The following PRICKLE1 variants were observed in gnomAD, a reference collection of about 807,000 sequenced individuals.
The protein encoded by PRICKLE1 is prickle-like protein 1.
A neutral mutation model predicts 70.2 loss-of-function variants in PRICKLE1; 14 were observed. The observed-to-expected ratio is 0.20, with a 90% confidence interval of 0.13 to 0.31. The LOEUF (loss-of-function observed/expected upper bound fraction) is 0.31. PRICKLE1 is among the 10% of genes least tolerant of loss of function. The pLI is 1.00. For missense variants in PRICKLE1, 821 were observed against 1,026.2 expected, an observed-to-expected ratio of 0.80 and a Z score of 2.73; for synonymous variants, 357 against 379.9, an observed-to-expected ratio of 0.94 and a Z score of 0.70.
At chr12:42,477,494 A>ACG (rs1938610491) in intron 1 of PRICKLE1, among the ~76,000 whole-genome samples, 1 of 24,406 alleles carries the variant, frequency 4.1e-5, no homozygotes, top group Non-Finnish European at 7.1e-5. Context: ...ATATATATAT[A>ACG]TATATATATA....
At chr12:42,524,567 G>A (rs1282384934) in intron 1 of PRICKLE1, among the ~76,000 whole-genome samples, 4 of 151,674 alleles carry the variant, frequency 2.6e-5, no homozygotes, top group Admixed American at 6.6e-5. Flanking sequence ...GCCTGCCACC[G>A]CACCCGGCTA....
chr12:42,566,423 G>A (rs1940621649), intron 1 of PRICKLE1, among the ~76,000 whole-genome samples: 1 of 152,184 alleles, frequency 6.6e-6, no homozygotes, highest in Non-Finnish European at 1.5e-5. Flanking sequence ...AGAAATTGGA[G>A]GGGGAAGTGG....
At chr12:42,514,890 T>TATCTATCTATC (rs398019289) in intron 1 of PRICKLE1, among the ~76,000 whole-genome samples, 12,368 of 59,070 alleles carry the variant, frequency 0.21, 590 homozygotes, top group Admixed American at 0.32. Flanking sequence ...AGGCTCGCTC[T>TATCTATCTATC]ATCTATCTAT....
intron 2 of PRICKLE1, 74 bp from the exon 3 acceptor site, chr12:42,470,433 A>G: frequency 3.8e-6 from 4 of 1,043,314 alleles, no homozygotes; most frequent in Non-Finnish European, 3.0e-6. Context: ...TTTAAAAGTT[A>G]CCTTTCCCTA....
chr12:42,529,473 G>A (rs976938305), intron 1 of PRICKLE1, among the ~76,000 whole-genome samples: 2 of 152,176 alleles, frequency 1.3e-5, no homozygotes, highest in Admixed American at 1.3e-4. Context: ...CTTTGCTATT[G>A]TTTATACAAA....
At chr12:42,486,519 T>C (rs537678124) in intron 1 of PRICKLE1, among the ~76,000 whole-genome samples, 15 of 152,312 alleles carry the variant, frequency 9.8e-5, no homozygotes, top group Admixed American at 6.5e-5. Flanking sequence ...GAGAGGATAA[T>C]AGAAAATCAG....
At chr12:42,501,470 AC>A (rs1407390940) in intron 1 of PRICKLE1, among the ~76,000 whole-genome samples, 1 of 138,010 alleles carries the variant, frequency 7.2e-6, no homozygotes, top group African/African-American at 2.7e-5. Context: ...AGATCGTGCC[AC>A]TGCACTCCAG....
At chr12:42,567,796 CAAAAA>C (rs34315516) in intron 1 of PRICKLE1, among the ~76,000 whole-genome samples, 1 of 118,464 alleles carries the variant, frequency 8.4e-6, no homozygotes. Context: ...CACTTCATCT[CAAAAA>C]AAAAAAAAAA....
Position 42,457,573 on chromosome 12 carries a change from A to C in PRICKLE1, c.*2236T>G, listed in dbSNP as rs566530237. The stretch of plus-strand genomic sequence containing the variant: ...TTGGCAATATCCATCAGTCTTAAAT[A>C]CGTAACCTTTGTCCCAGTAACTACG... On this transcript the variant is annotated 3_prime_UTR_variant, in exon 8 of 8. Coordinates refer to ENST00000345127, the MANE Select transcript of PRICKLE1 (RefSeq NM_153026.3). 2 of 152,362 alleles carry C rather than the reference A, an allele frequency of 1.3e-5. No homozygotes were observed. The highest frequency in any genetic ancestry group is 2.1e-4 in the South Asian group (1 of 4,822). 9.4% of individuals were successfully genotyped at this position (152,362 alleles called of 1,614,324 possible).
At chr12:42,499,847 T>C (rs1408697745) in intron 1 of PRICKLE1, among the ~76,000 whole-genome samples, 2 of 152,066 alleles carry the variant, frequency 1.3e-5, no homozygotes, top group Admixed American at 6.6e-5. Context: ...CCTGCCTCAG[T>C]CTCCCAATTA....
chr12:42,555,561 T>C (rs1940400874), intron 1 of PRICKLE1, among the ~76,000 whole-genome samples: 1 of 152,216 alleles, frequency 6.6e-6, no homozygotes, highest in Non-Finnish European at 1.5e-5. Flanking sequence ...AGCTTTTTCT[T>C]ATAAGGGAAC....
chr12:42,511,052 T>C (rs1939503858), intron 1 of PRICKLE1, among the ~76,000 whole-genome samples: 1 of 152,212 alleles, frequency 6.6e-6, no homozygotes, highest in Admixed American at 6.5e-5. Flanking sequence ...GCACAGGGGA[T>C]GCCCTGGGTG....
At chr12:42,489,651 C>A (rs866357499) in intron 1 of PRICKLE1, 1 of 93,562 alleles carries the variant, frequency 1.1e-5, no homozygotes, top group Admixed American at 1.8e-4. Flanking sequence ...AAGAGCGAGA[C>A]TTCTCTAAAA....
rs567635216 is a variant in PRICKLE1 at position 42,564,236 on chromosome 12, CA to C, written c.-49+25228del. Among the ~76,000 whole-genome samples, 14 of 105,210 alleles carry C rather than the reference CA, an allele frequency of 1.3e-4. No individual in the cohort carries two copies. The East Asian group carries it at 4.0e-3, about 30-fold the overall frequency. 69.0% of individuals were successfully genotyped at this position (105,210 alleles called of 152,430 possible). On this transcript the variant is annotated intron_variant, in intron 1 of 7. Transcript: ENST00000345127. ...ACGCCACTGCACTCCAGCTTGGCAA[CA>C]GAGGGAGACTCTGTCTAAAAAAAAA...
intron 1 of PRICKLE1, among the ~76,000 whole-genome samples, chr12:42,547,915 C>T (rs1011440173): frequency 2.6e-5 from 4 of 152,000 alleles, no homozygotes; most frequent in Non-Finnish European, 5.9e-5. Context: ...TGAGATATCA[C>T]GAACATGGAA....
intron 1 of PRICKLE1, among the ~76,000 whole-genome samples, chr12:42,504,825 G>A (rs1939377742): frequency 6.6e-6 from 1 of 152,048 alleles, no homozygotes; most frequent in Non-Finnish European, 1.5e-5. Context: ...AGGACTTTAT[G>A]GCTCATTGTT....
intron 5 of PRICKLE1, 61 bp from the exon 6 acceptor site, chr12:42,466,441 C>A (rs1938101090): frequency 6.8e-7 from 1 of 1,460,144 alleles, no homozygotes; most frequent in African/African-American, 1.4e-5. Context: ...ATTTTAAAGG[C>A]CAAGTAACTG....
chr12:42,517,145 T>C (rs1360820791), intron 1 of PRICKLE1, among the ~76,000 whole-genome samples: 1 of 152,194 alleles, frequency 6.6e-6, no homozygotes, highest in Admixed American at 6.5e-5. Context: ...TCTCCTAAAT[T>C]AGCTGCTAAT....
At chr12:42,462,612 C>T (rs1324042795) in intron 7 of PRICKLE1, among the ~76,000 whole-genome samples, 1 of 152,154 alleles carries the variant, frequency 6.6e-6, no homozygotes, top group African/African-American at 2.4e-5. Context: ...CCCTTTATTG[C>T]CGGCCTTATC....
Sources: gnomAD v4.1 joint callset for allele counts (sites outside exome capture counted in the v4.1 genomes callset) on GRCh38, gnomAD v4.1.1 for gene constraint, MANE v1.5 for transcripts, NCBI Gene and HGNC (gene_info 2026-07-23, HGNC 2026-07-21) for gene names.